OSBP2: variants seen among roughly 807,000 people sequenced by gnomAD.
OSBP2 encodes oxysterol-binding protein 2.
Under a neutral mutation model 96.0 loss-of-function variants are expected in OSBP2, and 66 were observed. The ratio of observed to expected loss-of-function variants is 0.69; its 90% CI spans 0.56 to 0.84. The LOEUF (loss-of-function observed/expected upper bound fraction) is 0.84. Ranked by LOEUF, OSBP2 falls within the 40% of genes least tolerant of loss-of-function variation. OSBP2 has a pLI of 0.00. For synonymous variants in OSBP2, 525 were observed against 520.9 expected, an observed-to-expected ratio of 1.01 and a Z score of -0.11; for missense variants, 1,038 against 1,222.7, an observed-to-expected ratio of 0.85 and a Z score of 2.25.
At chr22:30,855,694 C>G (rs900220725) in intron 2 of OSBP2, among the ~76,000 whole-genome samples, 1 of 152,142 alleles carries the variant, frequency 6.6e-6, no homozygotes, top group African/African-American at 2.4e-5. Context: ...TCTCTTCTAG[C>G]GCTAGTAGGC....
At chr22:30,838,770 A>G (rs1430400742) in intron 2 of OSBP2, among the ~76,000 whole-genome samples, 3 of 150,590 alleles carry the variant, frequency 2.0e-5, no homozygotes, top group African/African-American at 7.3e-5. Context: ...ATAGTGAATT[A>G]TTTTGATTTT....
chr22:30,793,712 T>C (rs2090713398), intron 2 of OSBP2, among the ~76,000 whole-genome samples: 1 of 151,970 alleles, frequency 6.6e-6, no homozygotes, highest in South Asian at 2.1e-4. Context: ...AATAAAAAAT[T>C]AGACCCACGT....
chr22:30,904,353 A>G (rs1412084184), intron 12 of OSBP2, among the ~76,000 whole-genome samples: 1 of 152,242 alleles, frequency 6.6e-6, no homozygotes, highest in African/African-American at 2.4e-5. Flanking sequence ...ACCAATACTT[A>G]AGAAAGACAT....
At chr22:30,801,892 A>C (rs2090855955) in intron 2 of OSBP2, among the ~76,000 whole-genome samples, 1 of 152,196 alleles carries the variant, frequency 6.6e-6, no homozygotes, top group African/African-American at 2.4e-5. Flanking sequence ...TAGGAGGATC[A>C]CTTGAGCCCA....
At chr22:30,738,250 C>G (rs2089885008) in intron 1 of OSBP2, among the ~76,000 whole-genome samples, 1 of 152,080 alleles carries the variant, frequency 6.6e-6, no homozygotes, top group African/African-American at 2.4e-5. Flanking sequence ...CTGCTGCTCT[C>G]TCTGTCCGGA....
At chr22:30,818,747 T>C (rs2091111564) in intron 2 of OSBP2, among the ~76,000 whole-genome samples, 1 of 152,174 alleles carries the variant, frequency 6.6e-6, no homozygotes, top group Non-Finnish European at 1.5e-5. Context: ...TGGTAGCAAG[T>C]GGAAGTGGGA....
chr22:30,788,052 A>G (rs886125908), intron 2 of OSBP2, among the ~76,000 whole-genome samples: 2 of 152,082 alleles, frequency 1.3e-5, no homozygotes, highest in African/African-American at 2.4e-5. Flanking sequence ...CAATCATGTC[A>G]TTTACCAGCC....
At chr22:30,848,048 T>C (rs1331267967) in intron 2 of OSBP2, among the ~76,000 whole-genome samples, 1 of 152,210 alleles carries the variant, frequency 6.6e-6, no homozygotes, top group African/African-American at 2.4e-5. Context: ...CCTTGATCTT[T>C]TTCACTGACT....
chr22:30,785,985 CTT>C (rs564641415), intron 2 of OSBP2, among the ~76,000 whole-genome samples: 2 of 151,832 alleles, frequency 1.3e-5, no homozygotes, highest in Non-Finnish European at 2.9e-5. Context: ...CAGGTAGTAT[CTT>C]TATAGCAATA....
chr22:30,713,607 C>T (rs2089396650), intron 1 of OSBP2, among the ~76,000 whole-genome samples: 1 of 151,818 alleles, frequency 6.6e-6, no homozygotes, highest in African/African-American at 2.4e-5. Context: ...ACTACAGATG[C>T]ACACCACTAT....
At chr22:30,769,099 C>G (rs139289409) in intron 2 of OSBP2, among the ~76,000 whole-genome samples, 4 of 152,184 alleles carry the variant, frequency 2.6e-5, no homozygotes, top group Non-Finnish European at 5.9e-5. Context: ...TTCTGGGCTA[C>G]GGAACTAGAA....
intron 2 of OSBP2, among the ~76,000 whole-genome samples, chr22:30,773,743 G>A (rs924619275): frequency 2.6e-5 from 4 of 152,048 alleles, no homozygotes; most frequent in Non-Finnish European, 5.9e-5. Context: ...GGGCCACATG[G>A]ATAAGCAGTC....
At chr22:30,888,469 T>G in intron 5 of OSBP2, 129 bp downstream of exon 5, 1 of 688,962 alleles carries the variant, frequency 1.5e-6, no homozygotes, top group South Asian at 1.7e-5. Flanking sequence ...CCAGGCCCAG[T>G]GGCTCCCAGC....
chr22:30,740,135 G>A (rs1033028808), intron 1 of OSBP2, among the ~76,000 whole-genome samples: 6 of 152,140 alleles, frequency 3.9e-5, no homozygotes, highest in African/African-American at 1.4e-4. Context: ...GTGAGCCACC[G>A]CGCCTGGCCA....
In OSBP2 at chr22:30,712,199, C is replaced by T. The variant is rs952528756; in HGVS notation, c.644+16646C>T. 1.6e-4 allele frequency among the ~76,000 whole-genome samples: 25 copies of T among 152,184 alleles called. 4 individuals carry two copies. The highest frequency in any genetic ancestry group is 1.5e-3 in the Admixed American group (23 of 15,268). The stretch of plus-strand genomic sequence containing the variant: ...TTGCCTCCAGCTTCCTCCTTACCCT[C>T]CTCCTCTTTCTTCTCCAAACCTTGG... On this transcript the variant is annotated intron_variant, in intron 1 of 13. Coordinates refer to ENST00000332585, the MANE Select transcript of OSBP2 (RefSeq NM_030758.4).
intron 2 of OSBP2, among the ~76,000 whole-genome samples, chr22:30,788,211 G>A (rs1224216964): frequency 1.3e-5 from 2 of 152,164 alleles, no homozygotes; most frequent in East Asian, 3.8e-4. Context: ...GGGACAGTTT[G>A]ATCAGCTGCA....
At chr22:30,838,972 C>CTCACCCCTCCCCCCACCCT (rs2038690024) in intron 2 of OSBP2, among the ~76,000 whole-genome samples, 1 of 128,152 alleles carries the variant, frequency 7.8e-6, no homozygotes, top group Non-Finnish European at 1.7e-5. Flanking sequence ...TATACCTAAT[C>CTCACCCCTCCCCCCACCCT]TCCCCCCTCC....
chr22:30,783,524 G>A (rs967734897), intron 2 of OSBP2, among the ~76,000 whole-genome samples: 4 of 151,772 alleles, frequency 2.6e-5, no homozygotes, highest in African/African-American at 9.7e-5. Context: ...GTTTCACCAT[G>A]TTGGCCAGGC....
intron 1 of OSBP2, among the ~76,000 whole-genome samples, chr22:30,727,842 C>T (rs2089676139): frequency 6.6e-6 from 1 of 152,158 alleles, no homozygotes; most frequent in Admixed American, 6.6e-5. Flanking sequence ...CGCAGTGTCT[C>T]ACACCTGTAA....
Sources: gnomAD v4.1 joint callset for allele counts (sites outside exome capture counted in the v4.1 genomes callset) on GRCh38, gnomAD v4.1.1 for gene constraint, MANE v1.5 for transcripts, NCBI Gene and HGNC (gene_info 2026-07-23, HGNC 2026-07-21) for gene names.